Variants in SEMA4F observed in about 807,000 individuals in gnomAD.
The protein encoded by SEMA4F is semaphorin-4F.
Under a neutral mutation model 78.4 loss-of-function variants are expected in SEMA4F, and 51 were observed. The ratio of observed to expected loss-of-function variants is 0.65; its 90% CI spans 0.52 to 0.82. SEMA4F has a LOEUF of 0.82. Ranked by LOEUF, SEMA4F falls within the 40% of genes least tolerant of loss-of-function variation. The pLI, the probability that SEMA4F is intolerant of heterozygous loss-of-function variation, is 0.00. For synonymous variants in SEMA4F, 418 were observed against 408.7 expected (o/e 1.02, Z -0.27); for missense variants, 938 against 1,014.4 (o/e 0.92, Z 1.02).
chr2:74,705,199 G>A, the SEMA4F span, among the ~76,000 whole-genome samples: 1 of 152,200 alleles, frequency 6.6e-6, no homozygotes, highest in African/African-American at 2.4e-5. Context: ...GAGTAGGTGA[G>A]GAATATAATT....
intron 5 of SEMA4F, among the ~76,000 whole-genome samples, chr2:74,666,295 A>G (rs1684695307): frequency 6.6e-6 from 1 of 152,248 alleles, no homozygotes; most frequent in Non-Finnish European, 1.5e-5. Flanking sequence ...AATGTGGTTT[A>G]AGAATACAAA....
intron 5 of SEMA4F, among the ~76,000 whole-genome samples, chr2:74,663,290 A>G (rs1558721888): frequency 6.6e-6 from 1 of 152,234 alleles, no homozygotes; most frequent in Non-Finnish European, 1.5e-5. Context: ...AGCCCTTGAA[A>G]TGTGACTAGT....
the SEMA4F span, among the ~76,000 whole-genome samples, chr2:74,690,094 G>T: frequency 6.6e-6 from 1 of 152,082 alleles, no homozygotes; most frequent in Non-Finnish European, 1.5e-5. Context: ...CCCATAATAA[G>T]TTCTTTCTAA....
chr2:74,706,088 A>G, the SEMA4F span, among the ~76,000 whole-genome samples: 1 of 152,220 alleles, frequency 6.6e-6, no homozygotes, highest in Admixed American at 6.5e-5. Flanking sequence ...CAAAAAATGA[A>G]TAAGAGAAGG....
At chr2:74,684,958 C>T (rs776819024), downstream of SEMA4F, among the ~76,000 whole-genome samples, 4 of 152,202 alleles carry the variant, frequency 2.6e-5, no homozygotes, top group East Asian at 3.9e-4. Flanking sequence ...GGTGACAGAG[C>T]GAGACCTTGT....
chr2:74,703,326 T>C, the SEMA4F span, among the ~76,000 whole-genome samples: 130 of 152,306 alleles, frequency 8.5e-4, no homozygotes, highest in African/African-American at 2.8e-3. Context: ...ATTTTGGTGA[T>C]AGAACAAACA....
rs141084696 is a variant in SEMA4F at position 74,680,019 on chromosome 2, G to C, written c.2123G>C (p.Gly708Ala). 3.7e-6 allele frequency: 6 copies of C among 1,614,038 alleles called. No individual in the cohort carries two copies. The highest frequency in any genetic ancestry group is 4.2e-6 in the Non-Finnish European group (5 of 1,180,022). ...CTGGACCTGGGGGCTCCACCTTCTG[G>C]GACCACAAGCTACAGCCAAGACCCT... Reference protein sequence around the residue: ...VGLDLGAPPSGTTSYSQDPPS... With the variant: ...VGLDLGAPPSATTSYSQDPPS... Residue 708 changes from glycine (G) to alanine (A), a missense_variant, in exon 14 of 14, where the codon GGG becomes GCG. Physicochemically the swap from Gly to Ala is moderately conservative, Grantham distance 60. Coordinates refer to ENST00000357877, the MANE Select transcript of SEMA4F (RefSeq NM_004263.5).
chr2:74,687,653 G>A (rs1006457234), downstream of SEMA4F, among the ~76,000 whole-genome samples: 1 of 152,226 alleles, frequency 6.6e-6, no homozygotes, highest in African/African-American at 2.4e-5. Flanking sequence ...CAGTACTCCT[G>A]TAGGAGGCCA....
At chr2:74,675,446 G>T (rs962481996) in intron 10 of SEMA4F, 62 bp downstream of exon 10, 1 of 1,590,872 alleles carries the variant, frequency 6.3e-7, no homozygotes, top group Non-Finnish European at 8.6e-7. Flanking sequence ...CACAGAGAGG[G>T]TACTGTAATA....
chr2:74,695,739 A>G, the SEMA4F span, among the ~76,000 whole-genome samples: 1 of 152,250 alleles, frequency 6.6e-6, no homozygotes, highest in Non-Finnish European at 1.5e-5. Flanking sequence ...AGTACATGGC[A>G]TGGACGATTG....
chr2:74,699,275 G>A, the SEMA4F span, among the ~76,000 whole-genome samples: 2 of 152,152 alleles, frequency 1.3e-5, no homozygotes, highest in Non-Finnish European at 2.9e-5. Context: ...TAGTCCTCAT[G>A]TCACCCCTTG....
the SEMA4F span, among the ~76,000 whole-genome samples, chr2:74,698,554 T>C: frequency 5.9e-5 from 9 of 152,220 alleles, 1 homozygote; most frequent in African/African-American, 2.2e-4. Flanking sequence ...CAGGCCATTT[T>C]ACTCCACCCA....
chr2:74,697,532 C>A, the SEMA4F span, among the ~76,000 whole-genome samples: 1 of 152,154 alleles, frequency 6.6e-6, no homozygotes, highest in African/African-American at 2.4e-5. Context: ...CTCTTACTAC[C>A]CTCTTCTCTT....
intron 12 of SEMA4F, among the ~76,000 whole-genome samples, chr2:74,677,376 G>GACATCAT (rs1269497031): frequency 6.6e-6 from 1 of 151,870 alleles, no homozygotes; most frequent in Admixed American, 6.6e-5. Flanking sequence ...GCAAATCCTG[G>GACATCAT]ACATCATTTC....
chr2:74,696,116 A>G, the SEMA4F span, among the ~76,000 whole-genome samples: 1 of 152,016 alleles, frequency 6.6e-6, no homozygotes, highest in African/African-American at 2.4e-5. Context: ...CTTTTTTGCA[A>G]AGTTAAAATA....
chr2:74,657,251 G>A (rs2104912724), intron 2 of SEMA4F, among the ~76,000 whole-genome samples: 1 of 152,338 alleles, frequency 6.6e-6, no homozygotes, highest in East Asian at 1.9e-4. Flanking sequence ...TCAGATAAGG[G>A]ATGCTCAGTG....
downstream of SEMA4F, chr2:74,683,924 A>G (rs1040615194): frequency 6.6e-6 from 1 of 152,210 alleles, no homozygotes. Context: ...TGTCTGGAGC[A>G]TATGCGTGAT....
chr2:74,656,460 C>A, intron 1 of SEMA4F, 74 bp from the exon 2 acceptor site: 2 of 1,491,790 alleles, frequency 1.3e-6, no homozygotes, highest in Non-Finnish European at 1.8e-6. Context: ...AAAAATTGGC[C>A]CCTTTGGTTT....
At chr2:74,691,930 T>G in the SEMA4F span, among the ~76,000 whole-genome samples, 1 of 152,146 alleles carries the variant, frequency 6.6e-6, no homozygotes, top group East Asian at 1.9e-4. Flanking sequence ...GGTCACTCCA[T>G]TGCTGCAGCC....
Sources: allele counts gnomAD v4.1 joint callset (sites outside exome capture counted in the v4.1 genomes callset), GRCh38; gene constraint gnomAD v4.1.1; transcripts MANE v1.5; gene names NCBI Gene and HGNC (gene_info 2026-07-23, HGNC 2026-07-21).